The following STIM1 variants were observed in gnomAD, a reference collection of about 807,000 sequenced individuals.
STIM1 encodes the protein stromal interaction molecule 1.
STIM1 carries 25 observed loss-of-function variants against 74.7 expected under a neutral mutation model. That is an observed-to-expected ratio of 0.33 (90% CI 0.24 to 0.47). The LOEUF (loss-of-function observed/expected upper bound fraction) is 0.47, where lower values mean the gene tolerates loss of function less well. STIM1 is among the 20% of genes least tolerant of loss of function. The probability of loss-of-function intolerance (pLI) is 1.00; values close to 1 mark genes in which losing one functional copy is unlikely to be tolerated. For synonymous variants in STIM1, 328 were observed against 348.8 expected (o/e 0.94, Z 0.66); for missense variants, 728 against 920.8 (o/e 0.79, Z 2.71).
At chr11:4,016,118 A>G (rs2093894206) in intron 2 of STIM1, among the ~76,000 whole-genome samples, 1 of 152,298 alleles carries the variant, frequency 6.6e-6, no homozygotes, top group South Asian at 2.1e-4. Flanking sequence ...TTGGAGGAGA[A>G]GAGGCGTTCC....
chr11:3,957,374 A>C (rs1235096696), intron 1 of STIM1, among the ~76,000 whole-genome samples: 2 of 151,806 alleles, frequency 1.3e-5, no homozygotes, highest in Non-Finnish European at 2.9e-5. Context: ...CTCCTGCCTC[A>C]GCCTCCTGAG....
chr11:3,957,447 T>C (rs2093229407), intron 1 of STIM1, among the ~76,000 whole-genome samples: 1 of 151,984 alleles, frequency 6.6e-6, no homozygotes, highest in South Asian at 2.1e-4. Context: ...TTAGTAGATA[T>C]GGGCTTTCAC....
chr11:3,955,439 AT>A (rs1428421491), intron 1 of STIM1, among the ~76,000 whole-genome samples: 1 of 152,160 alleles, frequency 6.6e-6, no homozygotes, highest in Non-Finnish European at 1.5e-5. Context: ...CTCGTCTATG[AT>A]GATACAAGTC....
chr11:3,864,657 G>A (rs1466205786), intron 1 of STIM1, among the ~76,000 whole-genome samples: 1 of 152,174 alleles, frequency 6.6e-6, no homozygotes, highest in African/African-American at 2.4e-5. Flanking sequence ...TATTGTGTTT[G>A]TTAGTAAGTC....
chr11:3,881,253 C>G (rs2091489153), intron 1 of STIM1, among the ~76,000 whole-genome samples: 1 of 152,040 alleles, frequency 6.6e-6, no homozygotes, highest in Non-Finnish European at 1.5e-5. Flanking sequence ...TCCCCCTCTC[C>G]CTTTCCCCTG....
At chr11:4,079,828 T>G (rs529888449) in intron 7 of STIM1, among the ~76,000 whole-genome samples, 8 of 152,274 alleles carry the variant, frequency 5.3e-5, no homozygotes, top group Admixed American at 3.9e-4. Flanking sequence ...TGGCTGCATA[T>G]TAGAATGACT....
chr11:3,891,504 C>T (rs1339414777), intron 1 of STIM1, among the ~76,000 whole-genome samples: 1 of 152,020 alleles, frequency 6.6e-6, no homozygotes, highest in African/African-American at 2.4e-5. Context: ...AGGCTGGTCT[C>T]AAACTCCTGA....
chr11:3,928,746 T>C (rs1022676515), intron 1 of STIM1, among the ~76,000 whole-genome samples: 13 of 152,186 alleles, frequency 8.5e-5, no homozygotes, highest in African/African-American at 1.2e-4. Context: ...GGCTTGTTGA[T>C]GGAGTAAAGA....
rs182524111 is a variant in STIM1 at position 3,882,341 on chromosome 11, C to T, written c.139+25932C>T. Among the ~76,000 whole-genome samples the T allele has an allele frequency of 1.1e-4, 17 of 152,040 alleles. No individual in the cohort carries two copies. The South Asian group carries it at 1.2e-3, about 11-fold the overall frequency. On this transcript the variant is annotated intron_variant, in intron 1 of 12. Transcript: ENST00000526596. ...CTTGAACTCCCGACCTCAGGTGATT[C>T]GCCCACCTCAGCCTCCCAAAGTGCT...
chr11:4,024,347 C>CT (rs1248597497), intron 3 of STIM1, among the ~76,000 whole-genome samples: 1 of 152,166 alleles, frequency 6.6e-6, no homozygotes, highest in Non-Finnish European at 1.5e-5. Context: ...TAGCTTCCCA[C>CT]TTAGTCCCAG....
At chr11:3,967,433 A>G in intron 1 of STIM1, 119 bp from the exon 2 acceptor site, 1 of 1,463,392 alleles carries the variant, frequency 6.8e-7, no homozygotes, top group Non-Finnish European at 9.5e-7. Flanking sequence ...CTGTACAAGT[A>G]GCCAGTTAAG....
At chr11:4,055,057 C>T (rs1044803939) in intron 3 of STIM1, among the ~76,000 whole-genome samples, 6 of 152,112 alleles carry the variant, frequency 3.9e-5, no homozygotes, top group African/African-American at 9.7e-5. Context: ...AATAGCTGGA[C>T]GAATGGATGG....
intron 1 of STIM1, among the ~76,000 whole-genome samples, chr11:3,891,297 G>GT (rs60284384): frequency 4.0e-4 from 60 of 148,234 alleles, no homozygotes; most frequent in South Asian, 1.1e-3. Context: ...TATTTTTCAT[G>GT]TTTTTTTTTT....
At chr11:3,962,354 C>T (rs1025965744) in intron 1 of STIM1, among the ~76,000 whole-genome samples, 1 of 152,108 alleles carries the variant, frequency 6.6e-6, no homozygotes, top group African/African-American at 2.4e-5. Context: ...TTTTCTGTTT[C>T]TCAGTTGTTT....
chr11:3,925,045 C>T (rs1318959916), intron 1 of STIM1, among the ~76,000 whole-genome samples: 2 of 152,106 alleles, frequency 1.3e-5, no homozygotes, highest in African/African-American at 4.8e-5. Flanking sequence ...AAATCTTAAA[C>T]AATATTTAAT....
chr11:3,990,883 G>A (rs1161420111), intron 2 of STIM1, among the ~76,000 whole-genome samples: 4 of 152,110 alleles, frequency 2.6e-5, no homozygotes, highest in African/African-American at 9.7e-5. Context: ...GTGATGCTGA[G>A]GTTTGGGATT....
intron 1 of STIM1, among the ~76,000 whole-genome samples, chr11:3,934,307 C>T (rs2092907927): frequency 6.6e-6 from 1 of 152,096 alleles, no homozygotes; most frequent in Admixed American, 6.5e-5. Context: ...CTGCTACACT[C>T]ACCCATCTTG....
chr11:3,903,479 CTGTCAGT>C (rs2092398578), intron 1 of STIM1: 1 of 152,190 alleles, frequency 6.6e-6, no homozygotes, highest in Non-Finnish European at 1.5e-5. Context: ...TGAGATGGCT[CTGTCAGT>C]TGGCAGTCCT....
chr11:3,991,137 A>T (rs1296721589), intron 2 of STIM1, among the ~76,000 whole-genome samples: 1 of 146,626 alleles, frequency 6.8e-6, no homozygotes, highest in East Asian at 2.0e-4. Context: ...AAATATTTTC[A>T]TGGTCAATAT....
Sources: gnomAD v4.1 joint callset for allele counts (sites outside exome capture counted in the v4.1 genomes callset) on GRCh38, gnomAD v4.1.1 for gene constraint, MANE v1.5 for transcripts, NCBI Gene and HGNC (gene_info 2026-07-23, HGNC 2026-07-21) for gene names.